Variants in PLCH2 observed in about 807,000 individuals in gnomAD.
The protein encoded by PLCH2 is phospholipase C eta 2, also known as 1-phosphatidylinositol 4,5-bisphosphate phosphodiesterase eta-2.
A neutral mutation model predicts 134.7 loss-of-function variants in PLCH2; 98 were observed. That is an observed-to-expected ratio of 0.73 (90% CI 0.62 to 0.86). The LOEUF (loss-of-function observed/expected upper bound fraction) is 0.86. Among genes scored for constraint, PLCH2 ranks in the 40% least tolerant of loss-of-function variants. The pLI is 0.00. For missense variants in PLCH2, 1,994 were observed against 1,986.6 expected (o/e 1.00, Z -0.07); for synonymous variants, 974 against 827.5 (o/e 1.18, Z -3.04).
chr1:2,486,538 G>A (rs1196454893), intron 5 of PLCH2, among the ~76,000 whole-genome samples: 3 of 152,224 alleles, frequency 2.0e-5, no homozygotes, highest in Admixed American at 6.5e-5. Flanking sequence ...GCTGGATGAG[G>A]GGGCTGCCTG....
chr1:2,488,538 G>A (rs763535664), intron 8 of PLCH2, among the ~76,000 whole-genome samples: 48 of 152,254 alleles, frequency 3.2e-4, no homozygotes, highest in Non-Finnish European at 4.7e-4. Flanking sequence ...CTCATCTCTT[G>A]CCCTGGTTCA....
chr1:2,459,118 G>A (rs1280983485), intron 2 of PLCH2, among the ~76,000 whole-genome samples: 1 of 152,274 alleles, frequency 6.6e-6, no homozygotes, highest in East Asian at 1.9e-4. Context: ...GGCGGCCTTG[G>A]TGATGCCAGG....
At chr1:2,465,222 A>T (rs1641000060), upstream of PLCH2, among the ~76,000 whole-genome samples, 1 of 152,134 alleles carries the variant, frequency 6.6e-6, no homozygotes, top group Non-Finnish European at 1.5e-5. Flanking sequence ...ACCCAAGGAG[A>T]GATCCAGCCA....
At chr1:2,488,165 C>G (rs543434329) in intron 8 of PLCH2, among the ~76,000 whole-genome samples, 1 of 152,306 alleles carries the variant, frequency 6.6e-6, no homozygotes, top group South Asian at 2.1e-4. Context: ...CGCAGGTGGG[C>G]AAGGAGCTAA....
At chr1:2,440,851 C>T (rs1439863792) in intron 2 of PLCH2, among the ~76,000 whole-genome samples, 2 of 152,352 alleles carry the variant, frequency 1.3e-5, no homozygotes, top group Non-Finnish European at 2.9e-5. Context: ...CATCTCTCTG[C>T]CTCTGTCCCT....
Position 2,504,156 on chromosome 1 carries a change from G to T in PLCH2, c.3194G>T (p.Gly1065Val). The change falls in exon 22 of 22, where the codon GGC (glycine) becomes GTC (valine). Residue 1065 changes from glycine to valine, a missense_variant. This residue lies in a region of PLCH2 where 900 missense variants were observed against 752.3 expected (regional missense o/e 1.20). Coordinates refer to ENST00000378486, the MANE Select transcript of PLCH2 (RefSeq NM_014638.4). ...RPRPCNGEGA[G>V]GAYERAPGSQ... ...CGGCCGTGCAACGGCGAGGGCGCCG[G>T]CGGGGCATACGAGAGGGCCCCCGGC... 6.6e-7 allele frequency: 1 copy of T among 1,525,174 alleles called. No homozygotes were observed. The highest frequency in any genetic ancestry group is 8.8e-7 in the Non-Finnish European group (1 of 1,138,000). The allele number at this position is 1,525,174 out of a possible 1,614,324, so 94.5% of individuals were successfully genotyped here. A position where few individuals can be genotyped will look rare whatever the true frequency, so the allele number is the denominator to read the frequency against.
intron 20 of PLCH2, 107 bp from the exon 21 acceptor site, chr1:2,502,005 A>T: frequency 9.5e-7 from 1 of 1,050,320 alleles, no homozygotes; most frequent in Non-Finnish European, 1.3e-6. Flanking sequence ...TCGGACCGAG[A>T]CACGCATGGC....
In PLCH2 at chr1:2,488,165, C is replaced by T. The variant is rs543434329; in HGVS notation, c.1235+447C>T. On this transcript the variant is annotated intron_variant, in intron 8 of 21. Transcript: ENST00000378486. ...TGGCTACATGAGGCTCGCAGGTGGGCAAGGAGCTAATTGCATGAAGGAAGA... is the reference window on the plus strand; with the variant it reads ...TGGCTACATGAGGCTCGCAGGTGGGTAAGGAGCTAATTGCATGAAGGAAGA... Among the ~76,000 whole-genome samples the T allele has an allele frequency of 1.1e-4, 17 of 152,306 alleles. No homozygotes were observed. The South Asian group carries it at 3.5e-3, about 32-fold the overall frequency.
chr1:2,422,540 G>A (rs939138463), upstream of PLCH2, among the ~76,000 whole-genome samples: 3 of 152,102 alleles, frequency 2.0e-5, no homozygotes, highest in Non-Finnish European at 2.9e-5. Flanking sequence ...TGGTACACCC[G>A]GACTGGATGA....
intron 2 of PLCH2, among the ~76,000 whole-genome samples, chr1:2,433,195 C>T (rs1388454453): frequency 1.3e-5 from 2 of 152,214 alleles, no homozygotes; most frequent in Admixed American, 6.5e-5. Context: ...TGGCTCCCGG[C>T]CCCCGCTGTG....
chr1:2,438,559 G>A (rs973417134), intron 2 of PLCH2, among the ~76,000 whole-genome samples: 1 of 152,160 alleles, frequency 6.6e-6, no homozygotes, highest in Non-Finnish European at 1.5e-5. Context: ...AGGGCTCTGG[G>A]TGTGGGTGCC....
In PLCH2 at chr1:2,480,329, C is replaced by T; in HGVS notation, c.645+17C>T. Reference sequence around the variant, plus strand: ...ATGTTCAGGGTGAGCTGGGGGGAGCCCTACCTGGGCTCCAGAGCCAGGGCT... The same window carrying T: ...ATGTTCAGGGTGAGCTGGGGGGAGCTCTACCTGGGCTCCAGAGCCAGGGCT... On this transcript the variant is annotated intron_variant, in intron 4 of 21. Transcript: ENST00000378486. 6.2e-7 allele frequency: 1 copy of T among 1,608,054 alleles called. No individual in the cohort carries two copies. Among genetic ancestry groups the T allele is most frequent in the Non-Finnish European group, 8.5e-7 (1 of 1,176,718 alleles).
At chr1:2,469,791 TG>T (rs1306569319) in intron 1 of PLCH2, among the ~76,000 whole-genome samples, 2 of 152,242 alleles carry the variant, frequency 1.3e-5, no homozygotes, top group East Asian at 3.9e-4. Context: ...GCCTCCCGTG[TG>T]GGGGCAGGGT....
chr1:2,476,493 G>T lies in PLCH2; in HGVS notation c.-96G>T. 8.2e-7 allele frequency: 1 copy of T among 1,213,774 alleles called. No individual in the cohort carries two copies. The highest frequency in any genetic ancestry group is 1.1e-6 in the Non-Finnish European group (1 of 903,038). The allele number at this position is 1,213,774 out of a possible 1,614,324, so 75.2% of individuals were successfully genotyped here. A position where few individuals can be genotyped will look rare whatever the true frequency, so the allele number is the denominator to read the frequency against. On this transcript the variant is annotated 5_prime_UTR_variant, in exon 1 of 22. Transcript: ENST00000378486. ...GCAGAGGAGAGAAGGCCCCACGGAG[G>T]TCCTGTCGCCAGCGCTGCCACTGCC...
chr1:2,504,142 C>T lies in PLCH2; in HGVS notation c.3180C>T (p.Asn1060=), dbSNP rs1023209948. 605 of 1,519,734 alleles carry T rather than the reference C, an allele frequency of 4.0e-4. No homozygotes were observed. The highest frequency in any genetic ancestry group is 5.0e-4 in the Non-Finnish European group (572 of 1,135,384). The allele number at this position is 1,519,734 out of a possible 1,614,324, so 94.1% of individuals were successfully genotyped here. The change falls in exon 22 of 22, where the codon AAC becomes AAT. Residue 1060 remains asparagine, a synonymous_variant. Transcript: ENST00000378486. ...GAGACAGCAGGCCTCGGCCGTGCAA[C>T]GGCGAGGGCGCCGGCGGGGCATACG... is the stretch of plus-strand genomic sequence containing the variant. ...EPRDSRPRPC[N]GEGAGGAYER...
At chr1:2,433,527 C>T (rs1639171523) in intron 2 of PLCH2, among the ~76,000 whole-genome samples, 1 of 152,164 alleles carries the variant, frequency 6.6e-6, no homozygotes, top group African/African-American at 2.4e-5. Context: ...AGTCTCGGTG[C>T]CTTGAGGCTG....
At chr1:2,422,266 C>T (rs940980755), upstream of PLCH2, among the ~76,000 whole-genome samples, 1 of 139,000 alleles carries the variant, frequency 7.2e-6, no homozygotes, top group South Asian at 2.5e-4. Context: ...AAGACTCCAC[C>T]TCAAAAAACA....
chr1:2,444,011 G>C lies in PLCH2; in HGVS notation c.115+13382G>C, dbSNP rs983935902. Among the ~76,000 whole-genome samples the C allele has an allele frequency of 1.3e-5, 2 of 152,292 alleles. No individual in the cohort carries two copies. The highest frequency in any genetic ancestry group is 4.8e-5 in the African/African-American group (2 of 41,568). On this transcript the variant is annotated intron_variant, in intron 2 of 3. Coordinates refer to the PLCH2 transcript ENST00000609981. This position sits in a 1 kb window ranked among gnomAD's most constrained non-coding sequence, Gnocchi z 4.6. ...CTGCCGCTGCGCCGCTGCCAACCGG[G>C]ATGCGCGGGTGGACGCGCGGGGGCG...
At chr1:2,438,902 A>G (rs889156722) in intron 2 of PLCH2, among the ~76,000 whole-genome samples, 2 of 152,134 alleles carry the variant, frequency 1.3e-5, no homozygotes, top group African/African-American at 4.8e-5. Context: ...AATTCACGGC[A>G]GCATTGAGTG....
Sources: gnomAD v4.1 joint callset for allele counts (sites outside exome capture counted in the v4.1 genomes callset) on GRCh38, gnomAD v4.1.1 for gene constraint, gnomAD v4.1.1 regional missense constraint, Gnocchi (gnomAD v3.1) non-coding constraint, MANE v1.5 for transcripts, NCBI Gene and HGNC (gene_info 2026-07-23, HGNC 2026-07-21) for gene names.